UBE2Q2: variants seen among roughly 807,000 people sequenced by gnomAD.
The protein encoded by UBE2Q2 is ubiquitin-conjugating enzyme E2 Q2.
Under a neutral mutation model 59.9 loss-of-function variants are expected in UBE2Q2, and 54 were observed. The ratio of observed to expected loss-of-function variants is 0.90; its 90% CI spans 0.72 to 1.13. The LOEUF (loss-of-function observed/expected upper bound fraction) is 1.13. Among genes scored for constraint, UBE2Q2 ranks in the 50% most tolerant of loss-of-function variants. UBE2Q2 has a pLI of 0.00. For missense variants in UBE2Q2, 433 were observed against 441.9 expected (o/e 0.98, Z 0.18); for synonymous variants, 165 against 155.2 (o/e 1.06, Z -0.47).
At chr15:75,854,276 A>G (rs755053369) in intron 1 of UBE2Q2, 110 bp from the exon 2 acceptor site, 14 of 724,418 alleles carry the variant, frequency 1.9e-5, no homozygotes, top group Non-Finnish European at 2.4e-5. Flanking sequence ...TTTTCCCCCC[A>G]TACATTTTGT....
chr15:75,844,427 C>CT, intron 1 of UBE2Q2: 1 of 1,551,520 alleles, frequency 6.4e-7, no homozygotes, highest in Non-Finnish European at 8.7e-7. Flanking sequence ...CCCTCTCCCC[C>CT]GGGCCTGGCT....
Position 75,901,068 on chromosome 15 carries a change from A to G in UBE2Q2, c.*1610A>G, listed in dbSNP as rs914630590. 3.8e-4 allele frequency: 58 copies of G among 152,756 alleles called. No homozygotes were observed. The highest frequency in any genetic ancestry group is 1.3e-3 in the African/African-American group (56 of 41,586). 9.5% of individuals were successfully genotyped at this position (152,756 alleles called of 1,614,324 possible). A position where few individuals can be genotyped will look rare whatever the true frequency, so the allele number is the denominator to read the frequency against. ...AATTTTGTTTGTGCTGATCATGGCA[A>G]GCAAAAAAAAGATTACTTTCTCATT... On this transcript the variant is annotated 3_prime_UTR_variant, in exon 13 of 13. Transcript: ENST00000267938.
chr15:75,886,141 A>T (rs1432766679), intron 9 of UBE2Q2, among the ~76,000 whole-genome samples: 14 of 150,312 alleles, frequency 9.3e-5, no homozygotes, highest in Non-Finnish European at 2.1e-4. Context: ...TTTTTTTGAG[A>T]CAGAGTCTCA....
At chr15:75,852,310 G>A (rs1013765858) in intron 1 of UBE2Q2, among the ~76,000 whole-genome samples, 2 of 152,094 alleles carry the variant, frequency 1.3e-5, no homozygotes, top group African/African-American at 4.8e-5. Context: ...AAGTGCCAGC[G>A]TTTTTACCCA....
Position 75,896,981 on chromosome 15 carries a change from T to C in UBE2Q2, c.1030-14T>C. 6.6e-7 allele frequency: 1 copy of C among 1,516,484 alleles called. No individual in the cohort carries two copies. The highest frequency in any genetic ancestry group is 1.2e-5 in the South Asian group (1 of 81,566). 93.9% of individuals were successfully genotyped at this position (1,516,484 alleles called of 1,614,324 possible). Reference sequence around the variant, plus strand: ...AATTACACTTTTGATTTAAAATGTGTAATTCTCTTTCAGAATCAATATAAT... The same window carrying C: ...AATTACACTTTTGATTTAAAATGTGCAATTCTCTTTCAGAATCAATATAAT... On this transcript the variant is annotated splice_polypyrimidine_tract_variant and intron_variant, in intron 11 of 12. Transcript: ENST00000267938.
chr15:75,872,533 CTTTTTTTTTTTTTT>C (rs374099581), intron 4 of UBE2Q2, among the ~76,000 whole-genome samples: 8 of 114,794 alleles, frequency 7.0e-5, no homozygotes, highest in Non-Finnish European at 1.3e-4. Flanking sequence ...TTTTCTTTTC[CTTTTTTTTTTTTTT>C]TTTTTTTGAG....
At chr15:75,887,287 A>G (rs1898832548) in intron 9 of UBE2Q2, among the ~76,000 whole-genome samples, 1 of 152,198 alleles carries the variant, frequency 6.6e-6, no homozygotes, top group South Asian at 2.1e-4. Context: ...TTGCTGTGGC[A>G]ATAGTGACCT....
At chr15:75,873,795 C>T (rs1299189401) in intron 5 of UBE2Q2, among the ~76,000 whole-genome samples, 1 of 152,160 alleles carries the variant, frequency 6.6e-6, no homozygotes, top group Non-Finnish European at 1.5e-5. Flanking sequence ...TCTCAGGCTC[C>T]AGTAATCCTG....
At chr15:75,885,032 T>C (rs1898677727) in intron 9 of UBE2Q2, among the ~76,000 whole-genome samples, 2 of 152,202 alleles carry the variant, frequency 1.3e-5, no homozygotes, top group Non-Finnish European at 2.9e-5. Flanking sequence ...TTTTCAGTAT[T>C]GTTTCTTAAG....
Position 75,854,445 on chromosome 15 carries a change from A to C in UBE2Q2, c.240A>C (p.Thr80=). The part of the protein sequence containing the change: ...WFVDSEDPNL[T]SVLERLEDTK... ...TGGATTCTGAAGACCCAAATCTGAC[A>C]TCAGTTCTGGAACGTCTAGAAGATA... The change falls in exon 2 of 13, where the codon ACA becomes ACC. Residue 80 remains threonine, a synonymous_variant. Transcript: ENST00000267938. The C allele has an allele frequency of 6.2e-7, 1 of 1,613,636 alleles. No homozygotes were observed. The highest frequency in any genetic ancestry group is 8.5e-7 in the Non-Finnish European group (1 of 1,179,708).
chr15:75,861,929 T>A (rs1171403966), intron 3 of UBE2Q2, among the ~76,000 whole-genome samples: 10 of 152,182 alleles, frequency 6.6e-5, no homozygotes, highest in Admixed American at 6.5e-4. Flanking sequence ...TGAGACGACT[T>A]CTTCACCCAC....
chr15:75,887,602 A>G (rs866982518), intron 9 of UBE2Q2, among the ~76,000 whole-genome samples: 4 of 150,196 alleles, frequency 2.7e-5, no homozygotes, highest in Admixed American at 6.6e-5. Flanking sequence ...TAAGTAGACT[A>G]TCACCCTGGC....
At chr15:75,851,135 CTT>C (rs1177827175) in intron 1 of UBE2Q2, among the ~76,000 whole-genome samples, 21 of 140,374 alleles carry the variant, frequency 1.5e-4, no homozygotes, top group Admixed American at 2.9e-4. Flanking sequence ...GGATATTCTT[CTT>C]TTTTTTTTTT....
At chr15:75,867,231 T>C (rs1430293020) in intron 3 of UBE2Q2, among the ~76,000 whole-genome samples, 2 of 152,324 alleles carry the variant, frequency 1.3e-5, no homozygotes, top group East Asian at 3.9e-4. Flanking sequence ...ACTCTCTGTC[T>C]TTTCTGTCTG....
Position 75,890,451 on chromosome 15 carries a change from G to A in UBE2Q2, c.901G>A (p.Gly301Arg). Residue 301 changes from glycine to arginine, a missense_variant, in exon 10 of 13, where the codon GGA (glycine) becomes AGA (arginine). Coordinates refer to ENST00000267938, the MANE Select transcript of UBE2Q2 (RefSeq NM_173469.4). Reference sequence around the variant, plus strand: ...CTTTTTAAGGTATGTATTGGGTGGAGGAGCATTATGTATGGAACTTCTCAC... The same window carrying A: ...CTTTTTAAGGTATGTATTGGGTGGAAGAGCATTATGTATGGAACTTCTCAC... ...VLSGGYVLGG[G>R]ALCMELLTKQ... The A allele has an allele frequency of 6.2e-7, 1 of 1,606,312 alleles. No homozygotes were observed. The highest frequency in any genetic ancestry group is 8.5e-7 in the Non-Finnish European group (1 of 1,178,250).
chr15:75,896,670 TATA>T, intron 11 of UBE2Q2, among the ~76,000 whole-genome samples: 1 of 152,342 alleles, frequency 6.6e-6, no homozygotes, highest in East Asian at 1.9e-4. Flanking sequence ...AACATCCAGA[TATA>T]ATCCTTTAAC....
chr15:75,881,995 A>G (rs1361216455), intron 8 of UBE2Q2, among the ~76,000 whole-genome samples: 7 of 152,284 alleles, frequency 4.6e-5, no homozygotes, highest in Non-Finnish European at 2.9e-5. Context: ...GGAGAGGAGA[A>G]CATGAGGGTT....
At chr15:75,896,899 A>G (rs1160821488) in intron 11 of UBE2Q2, 96 bp from the exon 12 acceptor site, 1 of 669,610 alleles carries the variant, frequency 1.5e-6, no homozygotes, top group Non-Finnish European at 2.5e-6. Flanking sequence ...TCAGTTTCCC[A>G]TGTTCTTTTA....
chr15:75,846,845 G>A (rs1896378697), intron 1 of UBE2Q2, among the ~76,000 whole-genome samples: 1 of 152,148 alleles, frequency 6.6e-6, no homozygotes, highest in Admixed American at 6.5e-5. Flanking sequence ...ACACGTGCAT[G>A]CTAGTTCCTG....
Sources: gnomAD v4.1 joint callset for allele counts (sites outside exome capture counted in the v4.1 genomes callset) on GRCh38, gnomAD v4.1.1 for gene constraint, MANE v1.5 for transcripts, NCBI Gene and HGNC (gene_info 2026-07-23, HGNC 2026-07-21) for gene names.